The following PLCL2 variants were observed in gnomAD, a reference collection of about 807,000 sequenced individuals.
PLCL2 encodes phospholipase C like 2.
Under a neutral mutation model 79.6 loss-of-function variants are expected in PLCL2, and 4 were observed. That is an observed-to-expected ratio of 0.05 (90% CI 0.02 to 0.11). PLCL2 has a LOEUF of 0.11. Among genes scored for constraint, PLCL2 ranks in the 10% least tolerant of loss-of-function variants. PLCL2 has a pLI of 1.00. For synonymous variants in PLCL2, 484 were observed against 457.7 expected (o/e 1.06, Z -0.73); for missense variants, 895 against 1,291.0 (o/e 0.69, Z 4.70).
chr3:16,990,463 C>CGTTTTATTTCCTTTTATTA, intron 1 of PLCL2, among the ~76,000 whole-genome samples: 1 of 152,270 alleles, frequency 6.6e-6, no homozygotes, highest in East Asian at 1.9e-4. Flanking sequence ...TTATGAGAGA[C>CGTTTTATTTCCTTTTATTA]CAAAGTGTTT....
At position 17,090,513 on chromosome 3, in the gene PLCL2, A is replaced by G. The variant is rs11549705; in HGVS notation, c.*601A>G. 0.13 allele frequency: 19,371 copies of G among 152,868 alleles called. 1,376 individuals are homozygous for G. The highest frequency in any genetic ancestry group is 0.19 in the African/African-American group (7,780 of 41,540). The allele number at this position is 152,868 out of a possible 1,614,324, so 9.5% of individuals were successfully genotyped here. A position where few individuals can be genotyped will look rare whatever the true frequency, so the allele number is the denominator to read the frequency against. On this transcript the variant is annotated 3_prime_UTR_variant, in exon 6 of 6. Transcript: ENST00000615277. Reference sequence around the variant, plus strand: ...AGCACATGGGTAGAGATGATGTAAAAGCAGCCAATCTGGAAACAATACATT... The same window carrying G: ...AGCACATGGGTAGAGATGATGTAAAGGCAGCCAATCTGGAAACAATACATT...
intron 1 of PLCL2, among the ~76,000 whole-genome samples, chr3:16,956,608 C>T (rs1377483429): frequency 6.6e-6 from 1 of 152,062 alleles, no homozygotes; most frequent in African/African-American, 2.4e-5. Context: ...GGAATGGTAC[C>T]AGCTCCTCCT....
intron 1 of PLCL2, among the ~76,000 whole-genome samples, chr3:16,989,272 G>A (rs951824178): frequency 5.3e-5 from 8 of 152,040 alleles, no homozygotes; most frequent in Non-Finnish European, 1.2e-4. Flanking sequence ...CTTTCTTTGG[G>A]CAAAGCACCA....
At chr3:16,909,929 A>G (rs1696837248) in intron 1 of PLCL2, among the ~76,000 whole-genome samples, 1 of 152,090 alleles carries the variant, frequency 6.6e-6, no homozygotes, top group Admixed American at 6.5e-5. Flanking sequence ...GCCCACTATG[A>G]TCACATCACA....
rs1305109782 is a variant in PLCL2, at chr3:17,009,446, T to A, written c.328-228T>A. Among the ~76,000 whole-genome samples the A allele has an allele frequency of 1.3e-5, 2 of 152,148 alleles. No individual in the cohort carries two copies. Among genetic ancestry groups the A allele is most frequent in the African/African-American group, 4.8e-5 (2 of 41,446 alleles). The stretch of plus-strand genomic sequence containing the variant: ...CTGAAATTGTTCTTCTTGATAAATA[T>A]GAATTGCAATTATTCAATAATGATT... On this transcript the variant is annotated intron_variant, in intron 1 of 5. Transcript: ENST00000615277. The surrounding 1 kb of genome is among the most constrained non-coding windows in gnomAD (Gnocchi z 4.0).
Position 17,053,024 on chromosome 3 carries a change from A to T in PLCL2, c.3094+10075A>T, listed in dbSNP as rs555444875. 2.0e-5 allele frequency among the ~76,000 whole-genome samples: 3 copies of T among 152,316 alleles called. No individual in the cohort carries two copies. The South Asian group carries it at 6.2e-4, about 32-fold the overall frequency. ...ACTGCATGCAGAGTCAATGCCCCTA[A>T]CACCCCTGTTGTTGAAGGGTCAATT... On this transcript the variant is annotated intron_variant, in intron 4 of 5. Transcript: ENST00000615277.
intron 1 of PLCL2, among the ~76,000 whole-genome samples, chr3:16,953,648 C>G (rs147820747): frequency 6.6e-6 from 1 of 152,202 alleles, no homozygotes; most frequent in Non-Finnish European, 1.5e-5. Context: ...ATGCTGATTT[C>G]ACTGAAATTC....
chr3:17,080,394 A>G (rs13089569), intron 5 of PLCL2, among the ~76,000 whole-genome samples: 20,327 of 152,174 alleles, frequency 0.13, 1,877 homozygotes, highest in Non-Finnish European at 0.19. Context: ...GGGAACTATC[A>G]ATGTATAATA....
chr3:17,075,526 G>A (rs935470511), intron 5 of PLCL2, among the ~76,000 whole-genome samples: 5 of 146,568 alleles, frequency 3.4e-5, no homozygotes, highest in African/African-American at 1.0e-4. Flanking sequence ...ACGCAAGGTT[G>A]CCACAAACCT....
At chr3:17,066,528 A>G (rs2065012724) in intron 4 of PLCL2, among the ~76,000 whole-genome samples, 1 of 152,276 alleles carries the variant, frequency 6.6e-6, no homozygotes, top group Non-Finnish European at 1.5e-5. Flanking sequence ...GGAATGCCCA[A>G]CTGAAGAGTA....
chr3:16,896,664 T>TA (rs1255899357), intron 1 of PLCL2, among the ~76,000 whole-genome samples: 2 of 152,204 alleles, frequency 1.3e-5, no homozygotes, highest in African/African-American at 4.8e-5. Context: ...GTTATCCAGA[T>TA]ATACGGACAA....
At chr3:16,972,037 A>C (rs2063874513) in intron 1 of PLCL2, among the ~76,000 whole-genome samples, 2 of 152,060 alleles carry the variant, frequency 1.3e-5, no homozygotes, top group Non-Finnish European at 2.9e-5. Context: ...TCTCAAAATA[A>C]TAAGAGCTAT....
chr3:17,018,394 C>T (rs1213525678), intron 3 of PLCL2, among the ~76,000 whole-genome samples: 1 of 152,122 alleles, frequency 6.6e-6, no homozygotes, highest in Admixed American at 6.5e-5. Flanking sequence ...GTCTTTGTCC[C>T]CTTAAGCTCA....
At chr3:17,070,471 G>A (rs992364006) in intron 5 of PLCL2, among the ~76,000 whole-genome samples, 1 of 152,212 alleles carries the variant, frequency 6.6e-6, no homozygotes, top group Non-Finnish European at 1.5e-5. Context: ...AAATGTATAG[G>A]ATGGGGTAAT....
chr3:16,911,443 A>G (rs567984659), intron 1 of PLCL2, among the ~76,000 whole-genome samples: 1 of 152,266 alleles, frequency 6.6e-6, no homozygotes, highest in East Asian at 1.9e-4. Context: ...GCAGACAAAG[A>G]ATACTCCAGA....
At chr3:16,909,842 C>T (rs1356182231) in intron 1 of PLCL2, among the ~76,000 whole-genome samples, 6 of 152,160 alleles carry the variant, frequency 3.9e-5, no homozygotes, top group Middle Eastern at 3.2e-3. Flanking sequence ...TTTCTTCCTA[C>T]GTTAAAGGCT....
chr3:16,991,740 T>C (rs1010821185), intron 1 of PLCL2, among the ~76,000 whole-genome samples: 5 of 152,174 alleles, frequency 3.3e-5, no homozygotes, highest in Non-Finnish European at 5.9e-5. Context: ...AAATTAATGC[T>C]TTCAAAGTAA....
rs1696241183 is a variant in PLCL2, at chr3:16,886,974, ACTTTATTAGTGT to A, written c.327+1610_327+1621del. The stretch of plus-strand genomic sequence containing the variant: ...ACTTGTTTTTGCATTAAAAAATCAA[ACTTTATTAGTGT>A]CCATAGTGAGATTCATAGTGTAACT... On this transcript the variant is annotated intron_variant, in intron 1 of 5. Coordinates refer to ENST00000615277, the MANE Select transcript of PLCL2 (RefSeq NM_001144382.2). This position sits in a 1 kb window ranked among gnomAD's most constrained non-coding sequence, Gnocchi z 4.2. Among the ~76,000 whole-genome samples the A allele has an allele frequency of 6.6e-6, 1 of 152,202 alleles. No homozygotes were observed. Among genetic ancestry groups the A allele is most frequent in the African/African-American group, 2.4e-5 (1 of 41,436 alleles).
intron 1 of PLCL2, among the ~76,000 whole-genome samples, chr3:17,008,427 G>A (rs747318825): frequency 3.3e-5 from 5 of 151,744 alleles, no homozygotes; most frequent in Non-Finnish European, 7.4e-5. Context: ...TCCAGAAATA[G>A]TCTAGACGTC....
Sources: gnomAD v4.1 joint callset for allele counts (sites outside exome capture counted in the v4.1 genomes callset) on GRCh38, gnomAD v4.1.1 for gene constraint, Gnocchi (gnomAD v3.1) non-coding constraint, MANE v1.5 for transcripts, NCBI Gene and HGNC (gene_info 2026-07-23, HGNC 2026-07-21) for gene names.